Variants in PIP5K1B observed in about 807,000 individuals in gnomAD.
PIP5K1B encodes phosphatidylinositol 4-phosphate 5-kinase type-1 beta.
Under a neutral mutation model 67.0 loss-of-function variants are expected in PIP5K1B, and 42 were observed. The observed-to-expected ratio is 0.63, with a 90% CI of 0.49 to 0.81. The LOEUF (loss-of-function observed/expected upper bound fraction) is 0.81. Ranked by LOEUF, PIP5K1B falls within the 30% of genes least tolerant of loss-of-function variation. The pLI is 0.00. For missense variants in PIP5K1B, 459 were observed against 646.3 expected (o/e 0.71, Z 3.14); for synonymous variants, 214 against 231.4 (o/e 0.92, Z 0.68).
At chr9:68,947,998 T>C (rs1414953) in intron 14 of PIP5K1B, among the ~76,000 whole-genome samples, 143,186 of 152,270 alleles carry the variant, frequency 0.94, 67,969 homozygotes, top group East Asian at 1. Flanking sequence ...TTACAAAACA[T>C]TTCTGCTTTA....
At chr9:68,870,471 T>C (rs1442159838) in intron 5 of PIP5K1B, among the ~76,000 whole-genome samples, 1 of 152,166 alleles carries the variant, frequency 6.6e-6, no homozygotes, top group African/African-American at 2.4e-5. Context: ...CTCTCTAATT[T>C]GGCAAAAAAG....
chr9:68,985,608 G>A (rs973535577), intron 14 of PIP5K1B, among the ~76,000 whole-genome samples: 5 of 152,222 alleles, frequency 3.3e-5, no homozygotes, highest in Non-Finnish European at 7.3e-5. Context: ...TGGGACAGCA[G>A]TGTGTAACCT....
intron 4 of PIP5K1B, among the ~76,000 whole-genome samples, chr9:68,847,109 GAATT>G (rs1410525004): frequency 2.6e-5 from 4 of 152,102 alleles, no homozygotes; most frequent in Non-Finnish European, 4.4e-5. Context: ...TTTATCTCTT[GAATT>G]AATTAACTGC....
intron 2 of PIP5K1B, among the ~76,000 whole-genome samples, chr9:68,801,820 A>G (rs999201978): frequency 5.3e-5 from 8 of 152,306 alleles, no homozygotes; most frequent in Non-Finnish European, 1.2e-4. Flanking sequence ...TTTGACTGTT[A>G]GGTTGAGTTC....
intron 8 of PIP5K1B, among the ~76,000 whole-genome samples, chr9:68,900,822 T>G (rs1825319464): frequency 6.6e-6 from 1 of 152,196 alleles, no homozygotes; most frequent in Non-Finnish European, 1.5e-5. Context: ...ATGAAACCAG[T>G]CTCAAGAATA....
At chr9:68,850,758 A>C (rs1822441401) in intron 4 of PIP5K1B, among the ~76,000 whole-genome samples, 1 of 152,208 alleles carries the variant, frequency 6.6e-6, no homozygotes, top group African/African-American at 2.4e-5. Flanking sequence ...GTCTTATTTT[A>C]ATCTATTGAA....
chr9:68,854,274 G>A (rs1157344725), intron 4 of PIP5K1B, among the ~76,000 whole-genome samples: 1 of 151,834 alleles, frequency 6.6e-6, no homozygotes, highest in Non-Finnish European at 1.5e-5. Context: ...GGGACTACAG[G>A]TGCCGCCACC....
chr9:68,939,705 C>T (rs1397420173), intron 13 of PIP5K1B, among the ~76,000 whole-genome samples: 1 of 152,180 alleles, frequency 6.6e-6, no homozygotes, highest in South Asian at 2.1e-4. Flanking sequence ...TGCCTGGCTT[C>T]CCTCCATGTT....
intron 12 of PIP5K1B, among the ~76,000 whole-genome samples, chr9:68,929,163 T>TAAAA (rs60505568): frequency 2.0e-5 from 2 of 101,498 alleles, no homozygotes; most frequent in African/African-American, 3.9e-5. Flanking sequence ...AGACTCTATC[T>TAAAA]AAAAAAAAAA....
chr9:68,726,496 C>T lies in PIP5K1B; in HGVS notation c.-242-16005C>T, dbSNP rs181115351. On this transcript the variant is annotated intron_variant, in intron 1 of 15. Coordinates refer to ENST00000265382, the MANE Select transcript of PIP5K1B (RefSeq NM_003558.4). ...TAGGCTGGCAGTGAATAGAGTGGCA[C>T]AATCATAATCATACAGGTGCCGTTT... Among the ~76,000 whole-genome samples the T allele has an allele frequency of 5.8e-4, 88 of 152,312 alleles. No homozygotes were observed. The South Asian group carries it at 0.011, about 19-fold the overall frequency.
intron 15 of PIP5K1B, among the ~76,000 whole-genome samples, chr9:69,006,058 TA>T (rs1271066057): frequency 2.6e-5 from 4 of 152,080 alleles, no homozygotes; most frequent in Non-Finnish European, 5.9e-5. Context: ...TATTTTATTT[TA>T]TTTTTTATTT....
At position 68,723,179 on chromosome 9, in the gene PIP5K1B, TGAGAGAGAGAGAGAGA is replaced by T. The variant is rs754438778; in HGVS notation, c.-243+17421_-243+17436del. ...ATTCCTCTGTGTGTGTGTGTGTGTG[TGAGAGAGAGAGAGAGA>T]GAGGGAGAGAGAGAGAGAGACGTTT... On this transcript the variant is annotated intron_variant, in intron 1 of 15. Coordinates refer to ENST00000265382, the MANE Select transcript of PIP5K1B (RefSeq NM_003558.4). 4.7e-3 allele frequency among the ~76,000 whole-genome samples: 550 copies of T among 116,872 alleles called. 4 individuals carry two copies. Among genetic ancestry groups the T allele is most frequent in the African/African-American group, 0.016 (498 of 30,506 alleles). 76.7% of individuals were successfully genotyped at this position (116,872 alleles called of 152,430 possible). A position where few individuals can be genotyped will look rare whatever the true frequency, so the allele number is the denominator to read the frequency against.
At chr9:68,965,646 C>A (rs1828981806) in intron 14 of PIP5K1B, 1 of 152,142 alleles carries the variant, frequency 6.6e-6, no homozygotes, top group Non-Finnish European at 1.5e-5. Context: ...TCCAAAAATA[C>A]AGGTATGTAT....
intron 1 of PIP5K1B, among the ~76,000 whole-genome samples, chr9:68,708,950 TG>T (rs1564080420): frequency 1.3e-5 from 2 of 152,206 alleles, no homozygotes; most frequent in Non-Finnish European, 2.9e-5. Flanking sequence ...GTACCGTTTA[TG>T]GGTAAGAAAA....
At chr9:68,960,210 A>C (rs1006999098) in intron 14 of PIP5K1B, among the ~76,000 whole-genome samples, 3 of 152,148 alleles carry the variant, frequency 2.0e-5, no homozygotes, top group African/African-American at 7.2e-5. Flanking sequence ...GCATTATTCC[A>C]TTGTCTTCAG....
At chr9:68,802,768 A>G (rs898280789) in intron 2 of PIP5K1B, among the ~76,000 whole-genome samples, 9 of 152,180 alleles carry the variant, frequency 5.9e-5, no homozygotes, top group African/African-American at 2.2e-4. Context: ...GCTGACAGTC[A>G]TCCCATGTGG....
intron 14 of PIP5K1B, among the ~76,000 whole-genome samples, chr9:68,971,418 A>G (rs1468613343): frequency 6.6e-6 from 1 of 152,150 alleles, no homozygotes; most frequent in Non-Finnish European, 1.5e-5. Context: ...GGTTGGTTCC[A>G]ATTATTTGCT....
At chr9:68,998,104 T>C (rs1449138296) in intron 15 of PIP5K1B, among the ~76,000 whole-genome samples, 2 of 151,426 alleles carry the variant, frequency 1.3e-5, no homozygotes, top group African/African-American at 4.9e-5. Context: ...ACAGGATATC[T>C]CTGTTGCCCA....
chr9:68,829,370 C>G (rs1196088695), intron 4 of PIP5K1B, among the ~76,000 whole-genome samples: 1 of 152,184 alleles, frequency 6.6e-6, no homozygotes, highest in Non-Finnish European at 1.5e-5. Flanking sequence ...CTTTGGTATT[C>G]TAAGTGTGAT....
Sources: allele counts gnomAD v4.1 joint callset (sites outside exome capture counted in the v4.1 genomes callset), GRCh38; gene constraint gnomAD v4.1.1; transcripts MANE v1.5; gene names NCBI Gene and HGNC (gene_info 2026-07-23, HGNC 2026-07-21).